FOXP1: variants seen among roughly 807,000 people sequenced by gnomAD.
FOXP1 encodes the protein forkhead box protein P1.
A neutral mutation model predicts 98.2 loss-of-function variants in FOXP1; 15 were observed. The ratio of observed to expected loss-of-function variants is 0.15; its 90% CI spans 0.10 to 0.24. The LOEUF is 0.24. Ranked by LOEUF, FOXP1 falls within the 10% of genes least tolerant of loss-of-function variation. FOXP1 has a pLI of 1.00. For synonymous variants in FOXP1, 371 were observed against 314.5 expected (o/e 1.18, Z -1.90); for missense variants, 633 against 848.5 (o/e 0.75, Z 3.15).
intron 2 of FOXP1, among the ~76,000 whole-genome samples, chr3:71,527,288 TAATG>T (rs1362595284): frequency 6.6e-6 from 1 of 152,184 alleles, no homozygotes; most frequent in Non-Finnish European, 1.5e-5. Flanking sequence ...TAACAATGCC[TAATG>T]ATTCTCTCAA....
intron 7 of FOXP1, among the ~76,000 whole-genome samples, chr3:71,082,448 G>A (rs901820296): frequency 2.4e-4 from 37 of 151,552 alleles, no homozygotes; most frequent in African/African-American, 9.0e-4. Flanking sequence ...GACACAGGGA[G>A]GGGAACATCA....
At chr3:71,320,489 A>G (rs2075326137) in intron 4 of FOXP1, among the ~76,000 whole-genome samples, 1 of 151,860 alleles carries the variant, frequency 6.6e-6, no homozygotes. Context: ...AATCCCACAC[A>G]TCCCATATAA....
At chr3:71,117,543 T>A (rs2058460878) in intron 6 of FOXP1, among the ~76,000 whole-genome samples, 1 of 152,012 alleles carries the variant, frequency 6.6e-6, no homozygotes, top group South Asian at 2.1e-4. Context: ...TGTGTTTGTG[T>A]GTATGGGAGA....
chr3:71,209,446 A>T (rs770665916), intron 5 of FOXP1, among the ~76,000 whole-genome samples: 6 of 152,230 alleles, frequency 3.9e-5, no homozygotes, highest in Non-Finnish European at 7.3e-5. Context: ...CTTTAAGCCC[A>T]GTGGGCCCAC....
chr3:71,281,039 C>CAAAAAAAA (rs55640213), intron 5 of FOXP1, among the ~76,000 whole-genome samples: 34 of 83,522 alleles, frequency 4.1e-4, no homozygotes, highest in African/African-American at 6.0e-4. Context: ...CCCTTCTCTA[C>CAAAAAAAA]AAAAAAAAAA....
At chr3:71,418,503 G>A (rs1201312474) in intron 3 of FOXP1, among the ~76,000 whole-genome samples, 1 of 152,130 alleles carries the variant, frequency 6.6e-6, no homozygotes, top group Non-Finnish European at 1.5e-5. Flanking sequence ...ACAAAAATTT[G>A]TTTCCTATAA....
intron 5 of FOXP1, among the ~76,000 whole-genome samples, chr3:71,225,828 G>C (rs746083468): frequency 3.3e-5 from 5 of 152,208 alleles, no homozygotes; most frequent in African/African-American, 1.2e-4. Flanking sequence ...CTATGGAAAG[G>C]AGCTGGATAT....
intron 6 of FOXP1, among the ~76,000 whole-genome samples, chr3:71,180,677 A>C (rs1186235859): frequency 6.6e-6 from 1 of 152,012 alleles, no homozygotes; most frequent in African/African-American, 2.4e-5. Flanking sequence ...CCCGCCCTCC[A>C]CCCTTCCTTT....
At chr3:70,980,316 C>T (rs958230490) in intron 14 of FOXP1, among the ~76,000 whole-genome samples, 2 of 152,134 alleles carry the variant, frequency 1.3e-5, no homozygotes, top group African/African-American at 4.8e-5. Context: ...GGCTAATGCT[C>T]ATAAATATAC....
chr3:71,006,114 C>T lies in FOXP1; in HGVS notation c.975-5055G>A, dbSNP rs570589450. On this transcript the variant is annotated intron_variant, in intron 12 of 20. Transcript: ENST00000649528. ...AATTTGAAGCAAGGAAATTCTTGTA[C>T]TAGGCACTGATGGACACTTCTCTGT... Among the ~76,000 whole-genome samples, 68 of 152,192 alleles carry T rather than the reference C, an allele frequency of 4.5e-4. 1 individual carries two copies. Among genetic ancestry groups the T allele is most frequent in the South Asian group, 8.3e-4 (4 of 4,830 alleles).
chr3:71,561,407 C>CAAAAAAAAAAAAAAA lies in FOXP1; in HGVS notation c.-298+20127_-298+20141dup, dbSNP rs56792827. ...TGAATTCTATCTCAATAAAGCTGGC[C>CAAAAAAAAAAAAAAA]AAAAAAAAAAAAAAAAAAAGCCAGC... On this transcript the variant is annotated intron_variant, in intron 2 of 20. Coordinates refer to ENST00000649528, the MANE Select transcript of FOXP1 (RefSeq NM_001349338.3). Among the ~76,000 whole-genome samples the CAAAAAAAAAAAAAAA allele has an allele frequency of 2.0e-4, 8 of 40,312 alleles. 3 individuals carry two copies. The highest frequency in any genetic ancestry group is 8.8e-4 in the East Asian group (1 of 1,140). The allele number at this position is 40,312 out of a possible 152,430, so 26.4% of individuals were successfully genotyped here.
At chr3:71,244,352 A>G (rs573438211) in intron 5 of FOXP1, among the ~76,000 whole-genome samples, 4 of 152,168 alleles carry the variant, frequency 2.6e-5, no homozygotes, top group Non-Finnish European at 5.9e-5. Context: ...TCAGCCACTC[A>G]TGCATTAGGA....
chr3:71,046,810 C>A, intron 10 of FOXP1, 132 bp downstream of exon 10: 1 of 1,106,668 alleles, frequency 9.0e-7, no homozygotes, highest in Non-Finnish European at 1.4e-6. Flanking sequence ...CATTATCCCA[C>A]TCCACTTTTC....
intron 5 of FOXP1, among the ~76,000 whole-genome samples, chr3:71,199,117 T>C (rs1277588744): frequency 6.6e-6 from 1 of 151,282 alleles, no homozygotes; most frequent in Non-Finnish European, 1.5e-5. Context: ...ACACTTTTTT[T>C]TTTTTTTTGA....
intron 3 of FOXP1, among the ~76,000 whole-genome samples, chr3:71,440,415 C>T (rs537712384): frequency 2.0e-5 from 3 of 152,094 alleles, no homozygotes; most frequent in South Asian, 2.1e-4. Flanking sequence ...CGGTGGCTCA[C>T]GCCTGTAATC....
chr3:71,202,352 G>A (rs2063730144), intron 5 of FOXP1, among the ~76,000 whole-genome samples: 1 of 152,190 alleles, frequency 6.6e-6, no homozygotes, highest in Admixed American at 6.5e-5. Context: ...CACCAATCAG[G>A]AGAAAACAGC....
chr3:71,058,232 C>G (rs1032224456), intron 7 of FOXP1, among the ~76,000 whole-genome samples: 1 of 152,134 alleles, frequency 6.6e-6, no homozygotes, highest in African/African-American at 2.4e-5. Context: ...TCAGTTTACA[C>G]TCCAGTCAAC....
At chr3:71,344,889 G>A (rs1454326810) in intron 4 of FOXP1, among the ~76,000 whole-genome samples, 1 of 152,004 alleles carries the variant, frequency 6.6e-6, no homozygotes, top group African/African-American at 2.4e-5. Context: ...ATTAGGGCAG[G>A]CATCTTAAAT....
At chr3:71,496,875 T>C (rs1288522196) in intron 2 of FOXP1, among the ~76,000 whole-genome samples, 3 of 152,048 alleles carry the variant, frequency 2.0e-5, no homozygotes, top group Non-Finnish European at 2.9e-5. Flanking sequence ...GTATGGTCAT[T>C]AGTGCTGTCT....
Sources: gnomAD v4.1 joint callset for allele counts (sites outside exome capture counted in the v4.1 genomes callset) on GRCh38, gnomAD v4.1.1 for gene constraint, MANE v1.5 for transcripts, NCBI Gene and HGNC (gene_info 2026-07-23, HGNC 2026-07-21) for gene names.